The following CWC15 variants were observed in gnomAD, a reference collection of about 807,000 sequenced individuals.
The protein encoded by CWC15 is CWC15 spliceosome associated protein.
In CWC15, 12 loss-of-function variants were observed where a neutral mutation model predicts 28.4. That is an observed-to-expected ratio of 0.42 (90% CI 0.27 to 0.69). The LOEUF (loss-of-function observed/expected upper bound fraction) is 0.69, where lower values mean the gene tolerates loss of function less well. Ranked by LOEUF, CWC15 falls within the 30% of genes least tolerant of loss-of-function variation. The pLI is 0.23. For synonymous variants in CWC15, 92 were observed against 88.4 expected, an observed-to-expected ratio of 1.04 and a Z score of -0.23; for missense variants, 192 against 271.5, an observed-to-expected ratio of 0.71 and a Z score of 2.06.
At chr11:94,963,582 C>A in intron 6 of CWC15, 68 bp from the exon 7 acceptor site, 1 of 1,380,330 alleles carries the variant, frequency 7.2e-7, no homozygotes, top group African/African-American at 1.5e-5. Context: ...ACTACATGCA[C>A]TGCAAGGCTT....
In CWC15 at chr11:94,968,050, T is replaced by C. The variant is rs1030998477; in HGVS notation, c.442-1637A>G. 6.6e-5 allele frequency among the ~76,000 whole-genome samples: 10 copies of C among 152,250 alleles called. No individual in the cohort carries two copies. The South Asian group carries it at 2.1e-3, about 31-fold the overall frequency. The stretch of plus-strand genomic sequence containing the variant: ...AAAAAAGGCATAAACTCTTTCTATA[T>C]TCAAACAGCAGGCATACTATGTTTC... On this transcript the variant is annotated intron_variant, in intron 5 of 6. Transcript: ENST00000279839.
intron 6 of CWC15, among the ~76,000 whole-genome samples, chr11:94,965,113 CAG>C (rs1857620339): frequency 6.6e-6 from 1 of 152,040 alleles, no homozygotes; most frequent in East Asian, 1.9e-4. Flanking sequence ...TGCATCACTC[CAG>C]AGGGGAAAGC....
At chr11:94,966,442 T>C in intron 5 of CWC15, 29 bp from the exon 6 acceptor site, 1 of 1,426,940 alleles carries the variant, frequency 7.0e-7, no homozygotes, top group Non-Finnish European at 9.6e-7. Flanking sequence ...GATTAACACT[T>C]ACTTATTTTA....
In CWC15 at chr11:94,971,038, T is replaced by C; in HGVS notation, c.272A>G (p.Lys91Arg). Reference sequence around the variant, plus strand: ...AGGAATCTGGTCTAACCGTGGCTTTTTTGACACTGAAGAGGAGGTTGTATG... The same window carrying C: ...AGGAATCTGGTCTAACCGTGGCTTTCTTGACACTGAAGAGGAGGTTGTATG... Reference protein sequence around the residue: ...REHTTSSSVSKKPRLDQIPAA... With the variant: ...REHTTSSSVSRKPRLDQIPAA... Residue 91 changes from lysine (K) to arginine (R), a missense_variant, in exon 4 of 7, where the codon AAA (lysine) becomes AGA (arginine). Physicochemically the swap from Lys to Arg is conservative, Grantham distance 26 (BLOSUM62 2). Around this residue, in one of 2 missense-constraint regions of CWC15, gnomAD observed 188 missense variants for 250.3 expected, o/e 0.75. Coordinates refer to ENST00000279839, the MANE Select transcript of CWC15 (RefSeq NM_016403.4). The C allele has an allele frequency of 6.2e-7, 1 of 1,613,828 alleles. No homozygotes were observed. The highest frequency in any genetic ancestry group is 8.5e-7 in the Non-Finnish European group (1 of 1,179,740).
At chr11:94,969,055 T>C (rs1857683465) in intron 5 of CWC15, among the ~76,000 whole-genome samples, 1 of 152,226 alleles carries the variant, frequency 6.6e-6, no homozygotes, top group African/African-American at 2.4e-5. Flanking sequence ...CCTGTATTGA[T>C]GGCACCAACA....
At position 94,963,213 on chromosome 11, in the gene CWC15, C is replaced by G. The variant is rs782272484; in HGVS notation, c.*172G>C. ...TTTGGAGAATGCAAACTGGGTTAAA[C>G]CTATTCCCAAGTCCATTATCAAGTA... On this transcript the variant is annotated 3_prime_UTR_variant, in exon 7 of 7. Transcript: ENST00000279839. 1 of 449,890 alleles carries G rather than the reference C, an allele frequency of 2.2e-6. No individual in the cohort carries two copies. The highest frequency in any genetic ancestry group is 3.8e-6 in the Non-Finnish European group (1 of 264,432). 27.9% of individuals were successfully genotyped at this position (449,890 alleles called of 1,614,324 possible). A position where few individuals can be genotyped will look rare whatever the true frequency, so the allele number is the denominator to read the frequency against.
intron 5 of CWC15, 71 bp from the exon 6 acceptor site, chr11:94,966,484 A>C: frequency 1.5e-5 from 13 of 884,980 alleles, no homozygotes; most frequent in East Asian, 3.0e-5. Flanking sequence ...ATATTAGCTC[A>C]CTGAAAAAAA....
intron 5 of CWC15, among the ~76,000 whole-genome samples, chr11:94,969,303 T>G (rs1857686597): frequency 6.6e-6 from 1 of 152,154 alleles, no homozygotes; most frequent in Non-Finnish European, 1.5e-5. Context: ...CAATCCATCC[T>G]CCATATTTTG....
intron 6 of CWC15, among the ~76,000 whole-genome samples, chr11:94,965,321 C>T (rs1857623859): frequency 6.6e-6 from 1 of 152,230 alleles, no homozygotes; most frequent in Admixed American, 6.5e-5. Flanking sequence ...AACAACCAAT[C>T]TTCCTCCCTC....
intron 5 of CWC15, 132 bp from the exon 6 acceptor site, chr11:94,966,545 C>CTTT (rs34432027): frequency 1.1e-4 from 25 of 238,026 alleles, no homozygotes; most frequent in South Asian, 3.3e-4. Context: ...TCAAGGCAGG[C>CTTT]TTTTTTTTTT....
chr11:94,970,217 T>C (rs1555095967), intron 4 of CWC15, 121 bp from the exon 5 acceptor site: 1 of 424,072 alleles, frequency 2.4e-6, no homozygotes, highest in Non-Finnish European at 4.1e-6. Flanking sequence ...TCAAAACAAC[T>C]TTAAGCTAGC....
chr11:94,966,218 T>TACAC, intron 6 of CWC15, 77 bp downstream of exon 6: 1 of 788,904 alleles, frequency 1.3e-6, no homozygotes, highest in Non-Finnish European at 2.0e-6. Flanking sequence ...TGTATACACA[T>TACAC]ACACATATAC....
rs77174727 is a variant in CWC15, at chr11:94,972,272, G to A, written c.-8-79C>T. ...TAGAGTATTAATCAATATCCATACT[G>A]GTAAAATAAGTTCTAAAACTCATTC... On this transcript the variant is annotated intron_variant, in intron 1 of 6. Transcript: ENST00000279839. The A allele has an allele frequency of 4.0e-3, 5,405 of 1,341,506 alleles. 81 individuals are homozygous for A. Among genetic ancestry groups the A allele is most frequent in the South Asian group, 0.035 (2,554 of 72,052 alleles). The allele number at this position is 1,341,506 out of a possible 1,614,324, so 83.1% of individuals were successfully genotyped here. A position where few individuals can be genotyped will look rare whatever the true frequency, so the allele number is the denominator to read the frequency against.
At chr11:94,968,761 GA>G in intron 5 of CWC15, among the ~76,000 whole-genome samples, 1 of 152,126 alleles carries the variant, frequency 6.6e-6, no homozygotes, top group African/African-American at 2.4e-5. Context: ...CCTGTTTTCT[GA>G]ATTCTTCCCT....
Position 94,970,114 on chromosome 11 carries a change from G to A in CWC15, c.334-18C>T, listed in dbSNP as rs1857699166. 2.3e-6 allele frequency: 3 copies of A among 1,306,660 alleles called. No homozygotes were observed. Among genetic ancestry groups the A allele is most frequent in the Non-Finnish European group, 3.2e-6 (3 of 934,930 alleles). The allele number at this position is 1,306,660 out of a possible 1,614,324, so 80.9% of individuals were successfully genotyped here. A position where few individuals can be genotyped will look rare whatever the true frequency, so the allele number is the denominator to read the frequency against. On this transcript the variant is annotated intron_variant, in intron 4 of 6. Transcript: ENST00000279839. The stretch of plus-strand genomic sequence containing the variant: ...TCTTCCTCCTAAAAGAACAGTGAGA[G>A]CCCAGAAGATTGGAGGGAAAATACA...
intron 1 of CWC15, among the ~76,000 whole-genome samples, chr11:94,973,060 A>G (rs7939011): frequency 0.99 from 140,926 of 142,404 alleles, 69,752 homozygotes; most frequent in Middle Eastern, 1. Flanking sequence ...GGGGGGGGCG[A>G]TGCTAATTCT....
In CWC15 at chr11:94,966,705, T is replaced by C. The variant is rs142423570; in HGVS notation, c.442-292A>G. Among the ~76,000 whole-genome samples the C allele has an allele frequency of 4.3e-3, 653 of 152,256 alleles. 8 individuals are homozygous for C. Among genetic ancestry groups the C allele is most frequent in the African/African-American group, 0.015 (608 of 41,560 alleles). On this transcript the variant is annotated intron_variant, in intron 5 of 6. Transcript: ENST00000279839. ...GCTACAGATCCATATTTAAATCTAT[T>C]TTCTTTCTTGAAGTACATGTCAAAT...
At chr11:94,972,894 G>A (rs1308528470) in intron 1 of CWC15, among the ~76,000 whole-genome samples, 4 of 152,090 alleles carry the variant, frequency 2.6e-5, no homozygotes, top group African/African-American at 9.7e-5. Flanking sequence ...ACCCCCAGAG[G>A]ATTCTGATGC....
rs1555096324 is a variant in CWC15 at position 94,972,124 on chromosome 11, C to T, written c.62G>A (p.Gly21Asp). The T allele has an allele frequency of 6.2e-7, 1 of 1,613,824 alleles. No individual in the cohort carries two copies. Among genetic ancestry groups the T allele is most frequent in the South Asian group, 1.1e-5 (1 of 91,074 alleles). ...PARGGRGKGE[G>D]DLSQLSKQYS... ...CTGCTTTGAAAGTTGGCTCAAATCA[C>T]CTTCTCCTTTTCCCCTTCCACCTCT... Residue 21 changes from glycine to aspartate, a missense_variant, in exon 2 of 7, where the codon GGT (glycine) becomes GAT (aspartate). By Grantham distance (94) the Gly-to-Asp change is moderately conservative. Around this residue, in one of 2 missense-constraint regions of CWC15, gnomAD observed 188 missense variants for 250.3 expected, o/e 0.75. Coordinates refer to ENST00000279839, the MANE Select transcript of CWC15 (RefSeq NM_016403.4).
Sources: allele counts gnomAD v4.1 joint callset (sites outside exome capture counted in the v4.1 genomes callset), GRCh38; gene constraint gnomAD v4.1.1; regional missense constraint gnomAD v4.1.1; transcripts MANE v1.5; gene names NCBI Gene and HGNC (gene_info 2026-07-23, HGNC 2026-07-21).